CIB4: variants seen among roughly 807,000 people sequenced by gnomAD.
The protein encoded by CIB4 is calcium and integrin binding family member 4.
In CIB4, 25 loss-of-function variants were observed where a neutral mutation model predicts 25.8. The observed-to-expected ratio is 0.97, with a 90% CI of 0.71 to 1.35. CIB4 has a LOEUF of 1.35. Among genes scored for constraint, CIB4 ranks in the 40% most tolerant of loss-of-function variants. The pLI is 0.00. For synonymous variants in CIB4, 75 were observed against 81.4 expected (o/e 0.92, Z 0.42); for missense variants, 235 against 228.2 (o/e 1.03, Z -0.19).
At chr2:26,635,075 C>T (rs936086901) in intron 2 of CIB4, among the ~76,000 whole-genome samples, 1 of 152,230 alleles carries the variant, frequency 6.6e-6, no homozygotes, top group African/African-American at 2.4e-5. Flanking sequence ...AGAGGCATCT[C>T]GGGAAAAGGC....
chr2:26,614,244 A>AGAGG (rs1191769318), intron 3 of CIB4, among the ~76,000 whole-genome samples: 1 of 152,232 alleles, frequency 6.6e-6, no homozygotes, highest in African/African-American at 2.4e-5. Context: ...CAGCAGGCAG[A>AGAGG]GAGGGGCCCT....
At chr2:26,618,660 C>A (rs1475943016) in intron 3 of CIB4, among the ~76,000 whole-genome samples, 5 of 152,156 alleles carry the variant, frequency 3.3e-5, no homozygotes, top group Admixed American at 2.0e-4. Flanking sequence ...CTGCCTTGGG[C>A]CTGGGGGTCC....
chr2:26,587,711 A>G (rs1020323350), intron 4 of CIB4, among the ~76,000 whole-genome samples: 1 of 152,266 alleles, frequency 6.6e-6, no homozygotes. Context: ...ATACAAAGCT[A>G]TAACTTAGTA....
Position 26,632,711 on chromosome 2 carries a change from T to C in CIB4, c.90-3205A>G, listed in dbSNP as rs370386371. Among the ~76,000 whole-genome samples, 26 of 150,484 alleles carry C rather than the reference T, an allele frequency of 1.7e-4. No homozygotes were observed. The East Asian group carries it at 2.5e-3, about 15-fold the overall frequency. On this transcript the variant is annotated intron_variant, in intron 2 of 6. Coordinates refer to ENST00000288861, the MANE Select transcript of CIB4 (RefSeq NM_001029881.3). ...AGGTAGAGCTTCCAGTGAGCTGAGATTGCGCCATTGCACGCCAGCTTGGGC... is the reference window on the plus strand; with the variant it reads ...AGGTAGAGCTTCCAGTGAGCTGAGACTGCGCCATTGCACGCCAGCTTGGGC...
chr2:26,586,170 T>G (rs1237456809), intron 4 of CIB4, among the ~76,000 whole-genome samples: 1 of 152,170 alleles, frequency 6.6e-6, no homozygotes, highest in Non-Finnish European at 1.5e-5. Context: ...GGTGATCTGT[T>G]GATCGTCATT....
chr2:26,589,116 CT>C (rs1306232326), intron 4 of CIB4, among the ~76,000 whole-genome samples: 8 of 125,110 alleles, frequency 6.4e-5, no homozygotes, highest in African/African-American at 2.7e-4. Flanking sequence ...TCCTCTTCTT[CT>C]TCTTCTTCTT....
At chr2:26,640,509 AAG>A (rs1279696799) in intron 2 of CIB4, 22 bp downstream of exon 2, 4 of 1,612,232 alleles carry the variant, frequency 2.5e-6, no homozygotes, top group Non-Finnish European at 3.4e-6. Context: ...GGGAGAAGGA[AAG>A]AGGGGCGGGG....
chr2:26,634,724 C>G (rs982298477), intron 2 of CIB4, among the ~76,000 whole-genome samples: 2 of 152,152 alleles, frequency 1.3e-5, no homozygotes, highest in Non-Finnish European at 2.9e-5. Flanking sequence ...TTGAGGTGCC[C>G]GTTAATGGCC....
Position 26,588,961 on chromosome 2 carries a change from G to A in CIB4, c.329-5063C>T, listed in dbSNP as rs892605531. 4.7e-5 allele frequency among the ~76,000 whole-genome samples: 7 copies of A among 149,392 alleles called. 1 individual carries two copies. The highest frequency in any genetic ancestry group is 2.0e-4 in the Admixed American group (3 of 14,996). On this transcript the variant is annotated intron_variant, in intron 4 of 6. Coordinates refer to ENST00000288861, the MANE Select transcript of CIB4 (RefSeq NM_001029881.3). ...GTGGCTGTCCCTGCTGGCTGCTGCC[G>A]CTGCTGCCGCTTCTTCTTTCTTCTT...
At chr2:26,624,861 T>A (rs543724667) in intron 3 of CIB4, among the ~76,000 whole-genome samples, 4 of 151,638 alleles carry the variant, frequency 2.6e-5, no homozygotes, top group African/African-American at 7.3e-5. Context: ...TATATTTTTT[T>A]TATATAGGCA....
chr2:26,641,064 T>A (rs964078575), intron 1 of CIB4, among the ~76,000 whole-genome samples, 197 bp downstream of exon 1: 1 of 152,240 alleles, frequency 6.6e-6, no homozygotes, highest in African/African-American at 2.4e-5. Flanking sequence ...TCGTGATTTT[T>A]TTTTATTAGC....
At chr2:26,638,259 C>G (rs993838830) in intron 2 of CIB4, among the ~76,000 whole-genome samples, 3 of 152,208 alleles carry the variant, frequency 2.0e-5, no homozygotes, top group Non-Finnish European at 4.4e-5. Flanking sequence ...AAACTGTGCT[C>G]TTCTCCGGGG....
chr2:26,629,340 C>A (rs1360229733), intron 3 of CIB4, 70 bp downstream of exon 3: 3 of 1,015,752 alleles, frequency 3.0e-6, no homozygotes, highest in Non-Finnish European at 4.5e-6. Flanking sequence ...CCCACCCCTC[C>A]CAGCACCCAT....
intron 4 of CIB4, among the ~76,000 whole-genome samples, chr2:26,593,035 C>A (rs1668612925): frequency 6.6e-6 from 1 of 152,142 alleles, no homozygotes; most frequent in South Asian, 2.1e-4. Flanking sequence ...TCTGTCCTCA[C>A]CAATTAGACA....
At chr2:26,588,607 C>A (rs1044107873) in intron 4 of CIB4, among the ~76,000 whole-genome samples, 1 of 152,216 alleles carries the variant, frequency 6.6e-6, no homozygotes, top group Non-Finnish European at 1.5e-5. Context: ...CAGAAATCAA[C>A]CTGTGGTGGA....
At chr2:26,620,601 T>A (rs1186986873) in intron 3 of CIB4, among the ~76,000 whole-genome samples, 1 of 152,200 alleles carries the variant, frequency 6.6e-6, no homozygotes, top group Non-Finnish European at 1.5e-5. Context: ...GGCAGAATTT[T>A]ACTCTCCATT....
chr2:26,637,730 G>A (rs1220161946), intron 2 of CIB4, among the ~76,000 whole-genome samples: 5 of 152,144 alleles, frequency 3.3e-5, no homozygotes, highest in South Asian at 2.1e-4. Flanking sequence ...TCCTGCCTTC[G>A]CTGGTCCTCT....
chr2:26,599,505 A>C (rs1301473175), intron 3 of CIB4, among the ~76,000 whole-genome samples: 1 of 152,224 alleles, frequency 6.6e-6, no homozygotes, highest in East Asian at 1.9e-4. Context: ...CCATTTCTCC[A>C]ACTAGCGCCT....
chr2:26,608,856 C>T (rs918991392), intron 3 of CIB4, among the ~76,000 whole-genome samples: 5 of 152,194 alleles, frequency 3.3e-5, no homozygotes, highest in Non-Finnish European at 7.3e-5. Flanking sequence ...ACCCCCACCC[C>T]GGGGCCCACC....
Sources: allele counts gnomAD v4.1 joint callset (sites outside exome capture counted in the v4.1 genomes callset), GRCh38; gene constraint gnomAD v4.1.1; transcripts MANE v1.5; gene names NCBI Gene and HGNC (gene_info 2026-07-23, HGNC 2026-07-21).